PLEKHA7: variants seen among roughly 807,000 people sequenced by gnomAD.
PLEKHA7 encodes the protein pleckstrin homology domain-containing family A member 7.
In PLEKHA7, 104 loss-of-function variants were observed where a neutral mutation model predicts 170.0. The observed-to-expected ratio is 0.61, with a 90% CI of 0.52 to 0.72. PLEKHA7 has a LOEUF of 0.72. Among genes scored for constraint, PLEKHA7 ranks in the 30% least tolerant of loss-of-function variants. The pLI is 0.00. For missense variants in PLEKHA7, 1,615 were observed against 1,671.7 expected (o/e 0.97, Z 0.59); for synonymous variants, 648 against 660.8 (o/e 0.98, Z 0.30).
chr11:17,004,058 A>G (rs1864835324), intron 3 of PLEKHA7, among the ~76,000 whole-genome samples: 1 of 152,170 alleles, frequency 6.6e-6, no homozygotes, highest in African/African-American at 2.4e-5. Context: ...GCCGGTACAC[A>G]TTTCTATTTA....
Position 16,816,801 on chromosome 11 carries a change from T to A in PLEKHA7, c.1865A>T (p.Lys622Met). Reference sequence around the variant, plus strand: ...CTGGCAGAGCTTCCCGAGCCTCACCTTGACAGCGTGGCCCCGTGCCCTCCT... The same window carrying A: ...CTGGCAGAGCTTCCCGAGCCTCACCATGACAGCGTGGCCCCGTGCCCTCCT... ...SPRRARGHAV[K>M]NSSHVDRRSM... is the part of the protein sequence containing the mutation. The change falls in exon 11 of 27, where the codon AAG (lysine) becomes ATG (methionine). Residue 622 changes from lysine (K) to methionine (M), a missense_variant and splice_region_variant. By Grantham distance (95) the Lys-to-Met change is moderately conservative. Transcript: ENST00000531066. 6.2e-7 allele frequency: 1 copy of A among 1,613,452 alleles called. No homozygotes were observed. The highest frequency in any genetic ancestry group is 8.5e-7 in the Non-Finnish European group (1 of 1,179,716).
chr11:16,892,616 CTTCTTTT>C (rs1856731403), intron 3 of PLEKHA7, among the ~76,000 whole-genome samples: 1 of 82,858 alleles, frequency 1.2e-5, no homozygotes, highest in African/African-American at 5.0e-5. Flanking sequence ...CAGCTTCCAG[CTTCTTTT>C]TTTTTTTTTT....
At chr11:16,978,853 C>T (rs1334852598) in intron 3 of PLEKHA7, among the ~76,000 whole-genome samples, 1 of 152,136 alleles carries the variant, frequency 6.6e-6, no homozygotes, top group Non-Finnish European at 1.5e-5. Flanking sequence ...AAAGCATATA[C>T]ATATAAACAC....
At chr11:16,947,839 C>G (rs1861134103) in intron 3 of PLEKHA7, among the ~76,000 whole-genome samples, 1 of 149,538 alleles carries the variant, frequency 6.7e-6, no homozygotes, top group Admixed American at 6.7e-5. Flanking sequence ...TTACTTGAGC[C>G]TTGGAGGCAG....
intron 3 of PLEKHA7, among the ~76,000 whole-genome samples, chr11:16,900,625 GA>G (rs1008785211): frequency 6.6e-6 from 1 of 152,030 alleles, no homozygotes; most frequent in Non-Finnish European, 1.5e-5. Flanking sequence ...ACAACATTGT[GA>G]TCATTAACAA....
intron 3 of PLEKHA7, among the ~76,000 whole-genome samples, chr11:17,009,629 A>T (rs1490368061): frequency 6.6e-6 from 1 of 151,348 alleles, no homozygotes; most frequent in Non-Finnish European, 1.5e-5. Context: ...TCTTCGTTTT[A>T]TTTATTTATT....
chr11:17,014,270 C>G (rs762455240), intron 1 of PLEKHA7, 46 bp downstream of exon 1: 3 of 1,400,472 alleles, frequency 2.1e-6, no homozygotes, highest in Non-Finnish European at 2.8e-6. Context: ...CCCCCGCCCC[C>G]GCGCCCCCAC....
At position 16,975,121 on chromosome 11, in the gene PLEKHA7, C is replaced by G. The variant is rs1242636113; in HGVS notation, c.221+38868G>C. The G allele has an allele frequency of 6.4e-6, 3 of 469,590 alleles. 1 individual carries two copies. Among genetic ancestry groups the G allele is most frequent in the Non-Finnish European group, 9.7e-6 (3 of 309,656 alleles). 29.1% of individuals were successfully genotyped at this position (469,590 alleles called of 1,614,324 possible). A position where few individuals can be genotyped will look rare whatever the true frequency, so the allele number is the denominator to read the frequency against. On this transcript the variant is annotated intron_variant, in intron 3 of 26. Transcript: ENST00000531066. ...TCACATGCATACATTCATGTGTGCC[C>G]CACCACAATCAGGACACAGGACAGT...
At chr11:16,986,810 A>C (rs1185138462) in intron 3 of PLEKHA7, among the ~76,000 whole-genome samples, 2 of 152,176 alleles carry the variant, frequency 1.3e-5, no homozygotes, top group African/African-American at 4.8e-5. Flanking sequence ...TCAGATAAGT[A>C]TCAGCTCTGC....
intron 3 of PLEKHA7, among the ~76,000 whole-genome samples, chr11:16,928,621 T>A (rs1859728294): frequency 6.6e-6 from 1 of 151,814 alleles, no homozygotes; most frequent in African/African-American, 2.4e-5. Flanking sequence ...CCCAGCTAAT[T>A]TTTTTTTAAA....
intron 17 of PLEKHA7, 78 bp downstream of exon 17, chr11:16,800,896 A>T (rs548760055): frequency 2.4e-6 from 3 of 1,229,192 alleles, no homozygotes; most frequent in East Asian, 4.7e-5. Context: ...CAACCCCCAC[A>T]GGTGAAGTCT....
intron 3 of PLEKHA7, among the ~76,000 whole-genome samples, chr11:16,885,471 CA>C (rs1323991089): frequency 6.6e-6 from 1 of 150,866 alleles, no homozygotes; most frequent in East Asian, 2.0e-4. Context: ...CTAGCCTGGC[CA>C]AAACAGTGAA....
chr11:16,997,509 A>G (rs1451791048), intron 3 of PLEKHA7, among the ~76,000 whole-genome samples: 1 of 152,132 alleles, frequency 6.6e-6, no homozygotes, highest in South Asian at 2.1e-4. Flanking sequence ...CAGACCCCAG[A>G]AACAGGAGGG....
chr11:16,978,984 C>T (rs1863239613), intron 3 of PLEKHA7, among the ~76,000 whole-genome samples: 1 of 152,150 alleles, frequency 6.6e-6, no homozygotes, highest in Admixed American at 6.5e-5. Context: ...GGCCTCCCTC[C>T]CCAGCCACCA....
At chr11:17,001,177 A>G (rs1369806768) in intron 3 of PLEKHA7, among the ~76,000 whole-genome samples, 1 of 152,140 alleles carries the variant, frequency 6.6e-6, no homozygotes, top group Non-Finnish European at 1.5e-5. Context: ...ACTGTCCAGC[A>G]TTCCTCTCCT....
intron 3 of PLEKHA7, among the ~76,000 whole-genome samples, chr11:16,946,097 T>A (rs981124682): frequency 2.6e-5 from 4 of 152,170 alleles, no homozygotes; most frequent in Non-Finnish European, 5.9e-5. Context: ...CCTCTCCTCA[T>A]GGGGGCAGCA....
intron 17 of PLEKHA7, among the ~76,000 whole-genome samples, chr11:16,798,465 AG>A (rs1053434288): frequency 6.6e-6 from 1 of 151,390 alleles, no homozygotes; most frequent in Admixed American, 6.6e-5. Context: ...TTGGGAGGGA[AG>A]GGGGAAAAAA....
chr11:16,787,871 T>C (rs1261580612), intron 23 of PLEKHA7: 2 of 152,216 alleles, frequency 1.3e-5, no homozygotes, highest in African/African-American at 4.8e-5. Flanking sequence ...GATATGAATG[T>C]CCTGGGCCTT....
chr11:16,813,647 G>A (rs1315770612), intron 12 of PLEKHA7, among the ~76,000 whole-genome samples: 1 of 152,196 alleles, frequency 6.6e-6, no homozygotes, highest in Non-Finnish European at 1.5e-5. Context: ...GATGGCCTGG[G>A]TGACCCAGGA....
Sources: gnomAD v4.1 joint callset for allele counts (sites outside exome capture counted in the v4.1 genomes callset) on GRCh38, gnomAD v4.1.1 for gene constraint, MANE v1.5 for transcripts, NCBI Gene and HGNC (gene_info 2026-07-23, HGNC 2026-07-21) for gene names.